The following WNT5A variants were observed in gnomAD, a reference collection of about 807,000 sequenced individuals.
WNT5A encodes the protein Wnt family member 5A, also known as protein Wnt-5a.
A neutral mutation model predicts 42.1 loss-of-function variants in WNT5A; 9 were observed. The ratio of observed to expected loss-of-function variants is 0.21; its 90% CI spans 0.13 to 0.37. The LOEUF (loss-of-function observed/expected upper bound fraction) is 0.37. WNT5A is among the 10% of genes least tolerant of loss of function. The pLI is 1.00. For synonymous variants in WNT5A, 210 were observed against 210.0 expected (o/e 1.00, Z 0.00); for missense variants, 426 against 534.0 (o/e 0.80, Z 1.99).
At chr3:55,472,323 C>T (rs1041400373) in intron 4 of WNT5A, among the ~76,000 whole-genome samples, 2 of 152,298 alleles carry the variant, frequency 1.3e-5, no homozygotes, top group Non-Finnish European at 2.9e-5. Context: ...GATTTCTGGA[C>T]ATGAGAGAAG....
At chr3:55,494,848 T>C (rs2051699132), upstream of WNT5A, among the ~76,000 whole-genome samples, 1 of 152,156 alleles carries the variant, frequency 6.6e-6, no homozygotes, top group Non-Finnish European at 1.5e-5. Context: ...CCATTACTTT[T>C]AATGGCAAAA....
rs768416012 is a variant in WNT5A at position 55,480,868 on chromosome 3, A to G, written c.57T>C (p.Ser19=). Residue 19 remains serine, a synonymous_variant, in exon 2 of 5, where the codon AGT becomes AGC. Transcript: ENST00000264634. ...SPGVALGMAG[S]AMSSKFFLVA... ...CTAGGAAGAACTTGGAAGACATTGC[A>G]CTTCCAGCCATCCCCAAAGCAACTC... 1.4e-5 allele frequency: 23 copies of G among 1,589,606 alleles called. No individual in the cohort carries two copies. Among genetic ancestry groups the G allele is most frequent in the Non-Finnish European group, 1.8e-5 (21 of 1,166,654 alleles).
intron 2 of WNT5A, 94 bp downstream of exon 2, chr3:55,480,691 A>G (rs181146447): frequency 2.0e-5 from 26 of 1,314,326 alleles, no homozygotes; most frequent in Non-Finnish European, 2.6e-5. Context: ...ATACACCCAC[A>G]CTCACTATCC....
At chr3:55,497,033 C>T in the WNT5A span, among the ~76,000 whole-genome samples, 2 of 152,220 alleles carry the variant, frequency 1.3e-5, no homozygotes, top group Non-Finnish European at 2.9e-5. Flanking sequence ...ATTTACGGCC[C>T]ACCCATTCAT....
At chr3:55,479,277 T>C in intron 3 of WNT5A, 37 bp downstream of exon 3, 2 of 1,450,492 alleles carry the variant, frequency 1.4e-6, no homozygotes, top group East Asian at 2.5e-5. Context: ...GGAAAAAAAG[T>C]TAATGTTTTA....
chr3:55,480,112 C>CAGGGT (rs1344307372), intron 2 of WNT5A, among the ~76,000 whole-genome samples: 20 of 152,276 alleles, frequency 1.3e-4, no homozygotes, highest in African/African-American at 4.3e-4. Flanking sequence ...GGACCCAAGA[C>CAGGGT]AGGGTACCCA....
At chr3:55,495,854 A>G in the WNT5A span, among the ~76,000 whole-genome samples, 1 of 152,270 alleles carries the variant, frequency 6.6e-6, no homozygotes, top group Non-Finnish European at 1.5e-5. Flanking sequence ...ATGGCGAGAA[A>G]AATGGCAAGA....
At chr3:55,498,544 A>G in the WNT5A span, among the ~76,000 whole-genome samples, 1 of 152,210 alleles carries the variant, frequency 6.6e-6, no homozygotes, top group South Asian at 2.1e-4. Context: ...TATGACAGCT[A>G]CGGAGACAGA....
Position 55,474,377 on chromosome 3 carries a change from C to A in WNT5A, c.644G>T (p.Arg215Leu). ...IHAKGSYESARILMNLHNNEA... is the reference protein window; with the variant it reads ...IHAKGSYESALILMNLHNNEA... ...GTTGTTGTGCAGGTTCATGAGGATG[C>A]GAGCACTCTCGTAGGAGCCCTTGGC... Residue 215 changes from arginine to leucine, a missense_variant, in exon 4 of 5, where the codon CGC (arginine) becomes CTC (leucine). Arg to Leu is a moderately radical substitution (Grantham distance 102). This residue lies in a region of WNT5A where 358 missense variants were observed against 468.1 expected (regional missense o/e 0.76). Transcript: ENST00000264634. 2 of 1,612,908 alleles carry A rather than the reference C, an allele frequency of 1.2e-6. No individual in the cohort carries two copies. The highest frequency in any genetic ancestry group is 1.7e-6 in the Non-Finnish European group (2 of 1,179,774).
the WNT5A span, among the ~76,000 whole-genome samples, chr3:55,502,359 A>T: frequency 6.6e-6 from 1 of 152,212 alleles, no homozygotes; most frequent in Non-Finnish European, 1.5e-5. Flanking sequence ...CATTGTGGGG[A>T]AACAATTTTA....
chr3:55,497,492 G>A, the WNT5A span: 1 of 152,282 alleles, frequency 6.6e-6, no homozygotes, highest in South Asian at 2.1e-4. Context: ...TTTGAGACAG[G>A]GAGAACTTAG....
Position 55,483,633 on chromosome 3 carries a change from C to A in WNT5A, c.7-2715G>T, listed in dbSNP as rs140118275. On this transcript the variant is annotated intron_variant, in intron 1 of 4. Coordinates refer to ENST00000264634, the MANE Select transcript of WNT5A (RefSeq NM_003392.7). The surrounding 1 kb of genome is among the most constrained non-coding windows in gnomAD (Gnocchi z 4.2). ...GTAAGGACACTGAGAATCTTCCTCG[C>A]GTGCCACGGGGAGGAGGACTGGGGG... is the stretch of plus-strand genomic sequence containing the variant. Among the ~76,000 whole-genome samples the A allele has an allele frequency of 3.3e-5, 5 of 152,306 alleles. No homozygotes were observed. The highest frequency in any genetic ancestry group is 6.5e-5 in the Admixed American group (1 of 15,310).
upstream of WNT5A, among the ~76,000 whole-genome samples, chr3:55,493,526 T>G (rs974943726): frequency 6.6e-6 from 1 of 151,520 alleles, no homozygotes; most frequent in Non-Finnish European, 1.5e-5. Flanking sequence ...TGTTTACTTG[T>G]CTGTCTTGTT....
At chr3:55,490,546 A>C (rs1382690220), upstream of WNT5A, 1 of 152,358 alleles carries the variant, frequency 6.6e-6, no homozygotes, top group Non-Finnish European at 1.5e-5. Flanking sequence ...TTCATGATCT[A>C]CCTTGCAGAA....
At chr3:55,479,284 T>C in intron 3 of WNT5A, 30 bp downstream of exon 3, 1 of 1,452,184 alleles carries the variant, frequency 6.9e-7, no homozygotes, top group Non-Finnish European at 9.1e-7. Flanking sequence ...AAGTTAATGT[T>C]TTAAAAAAAT....
upstream of WNT5A, chr3:55,488,108 T>G (rs1453994961): frequency 2.0e-5 from 3 of 152,198 alleles, no homozygotes; most frequent in African/African-American, 7.2e-5. Context: ...GCTGCCCACC[T>G]CCTCGTTTGG....
upstream of WNT5A, among the ~76,000 whole-genome samples, chr3:55,495,456 G>A (rs895448201): frequency 6.6e-6 from 1 of 152,002 alleles, no homozygotes; most frequent in Non-Finnish European, 1.5e-5. Context: ...TCTGTGCCTC[G>A]CTTATTTTAC....
chr3:55,496,243 G>T, the WNT5A span, among the ~76,000 whole-genome samples: 1 of 152,160 alleles, frequency 6.6e-6, no homozygotes, highest in Non-Finnish European at 1.5e-5. Flanking sequence ...GTGAATTTTG[G>T]ATAAAAGCTT....
the WNT5A span, among the ~76,000 whole-genome samples, chr3:55,496,774 G>T: frequency 6.6e-6 from 1 of 152,162 alleles, no homozygotes; most frequent in Non-Finnish European, 1.5e-5. Flanking sequence ...CCATCCAGAG[G>T]ATATCAACAT....
Sources: allele counts gnomAD v4.1 joint callset (sites outside exome capture counted in the v4.1 genomes callset), GRCh38; gene constraint gnomAD v4.1.1; regional missense constraint gnomAD v4.1.1; non-coding constraint Gnocchi (gnomAD v3.1); transcripts MANE v1.5; gene names NCBI Gene and HGNC (gene_info 2026-07-23, HGNC 2026-07-21).